XYLT1: variants seen among roughly 807,000 people sequenced by gnomAD.
XYLT1 encodes the protein xylosyltransferase 1.
Under a neutral mutation model 91.3 loss-of-function variants are expected in XYLT1, and 36 were observed. That is an observed-to-expected ratio of 0.39 (90% CI 0.30 to 0.52). The LOEUF is 0.52. XYLT1 is among the 20% of genes least tolerant of loss of function. The pLI, the probability that XYLT1 is intolerant of heterozygous loss-of-function variation, is 0.68. For missense variants in XYLT1, 1,242 were observed against 1,284.5 expected (o/e 0.97, Z 0.51); for synonymous variants, 588 against 532.0 (o/e 1.11, Z -1.45).
intron 2 of XYLT1, among the ~76,000 whole-genome samples, chr16:17,355,572 AG>A (rs1269617468): frequency 2.0e-5 from 3 of 152,352 alleles, no homozygotes; most frequent in South Asian, 2.1e-4. Flanking sequence ...GGGTGCGTAC[AG>A]GAACAATATT....
intron 2 of XYLT1, among the ~76,000 whole-genome samples, chr16:17,289,415 C>T (rs1226682988): frequency 6.6e-6 from 1 of 152,156 alleles, no homozygotes; most frequent in Non-Finnish European, 1.5e-5. Flanking sequence ...TTGTCTTCTG[C>T]CATGTTTATG....
At chr16:17,470,319 C>A (rs1304227639) in intron 1 of XYLT1, 115 bp downstream of exon 1, 5 of 1,160,336 alleles carry the variant, frequency 4.3e-6, no homozygotes, top group South Asian at 4.5e-5. Flanking sequence ...GATGTGGAGT[C>A]GGTAGGCTTG....
At chr16:17,167,360 C>G (rs778891574) in intron 5 of XYLT1, among the ~76,000 whole-genome samples, 1 of 152,256 alleles carries the variant, frequency 6.6e-6, no homozygotes, top group Non-Finnish European at 1.5e-5. Context: ...TGTCTTTTTC[C>G]TGTGCTCCTG....
At chr16:17,404,048 C>T (rs557005417) in intron 1 of XYLT1, among the ~76,000 whole-genome samples, 6 of 152,180 alleles carry the variant, frequency 3.9e-5, no homozygotes, top group East Asian at 3.9e-4. Flanking sequence ...ACCGCAGCAA[C>T]GTCAGACAGA....
intron 1 of XYLT1, among the ~76,000 whole-genome samples, chr16:17,394,523 A>G (rs1484314601): frequency 6.6e-6 from 1 of 152,224 alleles, no homozygotes; most frequent in Non-Finnish European, 1.5e-5. Flanking sequence ...ATCCTCACTG[A>G]CATACAGCAC....
chr16:17,428,217 C>T (rs539054893), intron 1 of XYLT1, among the ~76,000 whole-genome samples: 1 of 152,180 alleles, frequency 6.6e-6, no homozygotes, highest in African/African-American at 2.4e-5. Flanking sequence ...CTCCTGGCCT[C>T]AGATGATCTG....
rs1159486282 is a variant in XYLT1 at position 17,107,855 on chromosome 16, C to G, written c.*840G>C. 2 of 152,696 alleles carry G rather than the reference C, an allele frequency of 1.3e-5. No individual in the cohort carries two copies. The highest frequency in any genetic ancestry group is 1.9e-4 in the East Asian group (1 of 5,204). 9.5% of individuals were successfully genotyped at this position (152,696 alleles called of 1,614,324 possible). ...GGTGCTCACAAACATCATCCTATTTCTGCTACTTTGTGTGGCAGCCTTGAG... is the reference window on the plus strand; with the variant it reads ...GGTGCTCACAAACATCATCCTATTTGTGCTACTTTGTGTGGCAGCCTTGAG... On this transcript the variant is annotated 3_prime_UTR_variant, in exon 12 of 12. Coordinates refer to ENST00000261381, the MANE Select transcript of XYLT1 (RefSeq NM_022166.4).
chr16:17,256,358 A>AT (rs1254843314), intron 3 of XYLT1, among the ~76,000 whole-genome samples: 3 of 152,232 alleles, frequency 2.0e-5, no homozygotes, highest in African/African-American at 7.2e-5. Context: ...CAGGGAATCG[A>AT]ATGAAGAGTT....
rs1966742966 is a variant in XYLT1, at chr16:17,104,050, C to T, written c.*4645G>A. On this transcript the variant is annotated 3_prime_UTR_variant, in exon 12 of 12. Coordinates refer to ENST00000261381, the MANE Select transcript of XYLT1 (RefSeq NM_022166.4). ...GTTCCCCCCTCCCAGGTAAACTTCT[C>T]AGCAGACACAATGAGGTAGCGCCTG... 1 of 152,830 alleles carries T rather than the reference C, an allele frequency of 6.5e-6. No homozygotes were observed. 9.5% of individuals were successfully genotyped at this position (152,830 alleles called of 1,614,324 possible). A position where few individuals can be genotyped will look rare whatever the true frequency, so the allele number is the denominator to read the frequency against.
At chr16:17,231,945 T>A (rs991081790) in intron 3 of XYLT1, among the ~76,000 whole-genome samples, 3 of 151,418 alleles carry the variant, frequency 2.0e-5, no homozygotes, top group African/African-American at 7.3e-5. Flanking sequence ...CACACTCAAT[T>A]TATAAAAAAA....
At chr16:17,111,419 A>G (rs1966840602) in intron 11 of XYLT1, among the ~76,000 whole-genome samples, 1 of 152,170 alleles carries the variant, frequency 6.6e-6, no homozygotes, top group Non-Finnish European at 1.5e-5. Flanking sequence ...AGGCTGGCCA[A>G]TGAGTCTGGT....
At chr16:17,114,415 TG>T (rs2141480488) in intron 11 of XYLT1, among the ~76,000 whole-genome samples, 1 of 152,136 alleles carries the variant, frequency 6.6e-6, no homozygotes, top group Non-Finnish European at 1.5e-5. Context: ...ACCTCTGGGG[TG>T]GAGAGTGTTG....
At chr16:17,195,289 T>C (rs933686801) in intron 5 of XYLT1, among the ~76,000 whole-genome samples, 6 of 152,136 alleles carry the variant, frequency 3.9e-5, no homozygotes, top group Non-Finnish European at 5.9e-5. Flanking sequence ...AATCCCAGTA[T>C]AGAAGGATCT....
chr16:17,217,959 A>AT (rs1184061449), intron 3 of XYLT1, among the ~76,000 whole-genome samples: 63 of 67,070 alleles, frequency 9.4e-4, no homozygotes, highest in Middle Eastern at 0.019. Context: ...AATAATAATA[A>AT]AAAAAAAAAA....
chr16:17,396,609 G>A (rs1365822458), intron 1 of XYLT1, among the ~76,000 whole-genome samples: 2 of 152,150 alleles, frequency 1.3e-5, no homozygotes, highest in African/African-American at 2.4e-5. Flanking sequence ...GGTGGCTCAC[G>A]CCTATAATCC....
chr16:17,300,972 A>G (rs2034387045), intron 2 of XYLT1, among the ~76,000 whole-genome samples: 1 of 152,194 alleles, frequency 6.6e-6, no homozygotes, highest in South Asian at 2.1e-4. Context: ...ATGTTACTTT[A>G]CCTCTCTGGG....
At chr16:17,396,402 G>A (rs1364412050) in intron 1 of XYLT1, among the ~76,000 whole-genome samples, 11 of 152,176 alleles carry the variant, frequency 7.2e-5, no homozygotes, top group African/African-American at 2.7e-4. Flanking sequence ...TCTGTGAAAT[G>A]GGGATAGCAG....
intron 8 of XYLT1, among the ~76,000 whole-genome samples, chr16:17,135,798 A>ATATT (rs2030696413): frequency 6.6e-6 from 1 of 152,188 alleles, no homozygotes; most frequent in Non-Finnish European, 1.5e-5. Context: ...CAGACAGTAA[A>ATATT]TATTTAAAAT....
chr16:17,301,650 C>T (rs1486954751), intron 2 of XYLT1, among the ~76,000 whole-genome samples: 3 of 152,102 alleles, frequency 2.0e-5, no homozygotes, highest in Non-Finnish European at 4.4e-5. Flanking sequence ...AATGTCGCTG[C>T]CAAGTTTAAA....
Sources: allele counts gnomAD v4.1 joint callset (sites outside exome capture counted in the v4.1 genomes callset), GRCh38; gene constraint gnomAD v4.1.1; transcripts MANE v1.5; gene names NCBI Gene and HGNC (gene_info 2026-07-23, HGNC 2026-07-21).